EVA1C: variants seen among roughly 807,000 people sequenced by gnomAD.
The protein encoded by EVA1C is protein eva-1 homolog C.
Under a neutral mutation model 45.4 loss-of-function variants are expected in EVA1C, and 25 were observed. That is an observed-to-expected ratio of 0.55 (90% CI 0.40 to 0.77). The LOEUF (loss-of-function observed/expected upper bound fraction) is 0.77, where lower values mean the gene tolerates loss of function less well. EVA1C is among the 30% of genes least tolerant of loss of function. The pLI is 0.00. For missense variants in EVA1C, 479 were observed against 554.8 expected (o/e 0.86, Z 1.37); for synonymous variants, 190 against 221.2 (o/e 0.86, Z 1.25).
At chr21:32,413,053 G>C (rs752007776) in intron 1 of EVA1C, 40 bp downstream of exon 1, 1 of 1,330,010 alleles carries the variant, frequency 7.5e-7, no homozygotes, top group Non-Finnish European at 9.7e-7. Flanking sequence ...CCGGCACCGC[G>C]GAGCGCCCAG....
At chr21:32,419,619 G>A (rs563520718) in intron 1 of EVA1C, among the ~76,000 whole-genome samples, 254 of 152,332 alleles carry the variant, frequency 1.7e-3, no homozygotes, top group Non-Finnish European at 2.7e-3. Flanking sequence ...GGAGACTGAG[G>A]CAGGAGAATC....
chr21:32,496,049 A>G (rs186204185), intron 5 of EVA1C, among the ~76,000 whole-genome samples: 20 of 152,336 alleles, frequency 1.3e-4, no homozygotes, highest in African/African-American at 7.2e-5. Flanking sequence ...GGTTTTTAGT[A>G]TATGCACAGA....
At chr21:32,486,058 G>A (rs1390479231) in intron 4 of EVA1C, among the ~76,000 whole-genome samples, 1 of 152,234 alleles carries the variant, frequency 6.6e-6, no homozygotes, top group African/African-American at 2.4e-5. Flanking sequence ...AGCATTGTTT[G>A]AACCAATCGC....
rs867013894 is a variant in EVA1C at position 32,484,560 on chromosome 21, T to A, written c.635-10467T>A. Among the ~76,000 whole-genome samples, 1,301 of 148,190 alleles carry A rather than the reference T, an allele frequency of 8.8e-3. 22 individuals are homozygous for A. The highest frequency in any genetic ancestry group is 0.03 in the African/African-American group (1,211 of 40,778). On this transcript the variant is annotated intron_variant, in intron 4 of 7. Transcript: ENST00000300255. ...CTCCATCTCAAAAAAAAAAAAAAAATTTATTGGGGCGGACACTGTGCTAAC... is the reference window on the plus strand; with the variant it reads ...CTCCATCTCAAAAAAAAAAAAAAAAATTATTGGGGCGGACACTGTGCTAAC...
intron 1 of EVA1C, among the ~76,000 whole-genome samples, chr21:32,447,402 C>T (rs143912941): frequency 4.6e-5 from 7 of 152,080 alleles, no homozygotes; most frequent in South Asian, 2.1e-4. Flanking sequence ...CTAATACATA[C>T]GATCTAAGGG....
chr21:32,442,280 C>T (rs1297244901), intron 1 of EVA1C, among the ~76,000 whole-genome samples: 1 of 152,162 alleles, frequency 6.6e-6, no homozygotes, highest in Non-Finnish European at 1.5e-5. Flanking sequence ...ATCTAAGAAA[C>T]AGGCTGGTGG....
Position 32,474,139 on chromosome 21 carries a change from C to T in EVA1C, c.634+6291C>T, listed in dbSNP as rs2036475477. On this transcript the variant is annotated intron_variant, in intron 4 of 7. Transcript: ENST00000300255. The surrounding 1 kb of genome is among the most constrained non-coding windows in gnomAD (Gnocchi z 4.4). ...ATTTTGCCCAGGCTGGTCTTCAACT[C>T]CTGGCCTCAAGTGATCCTCCCGCCT... 1 of 175,832 alleles carries T rather than the reference C, an allele frequency of 5.7e-6. No homozygotes were observed. Among genetic ancestry groups the T allele is most frequent in the Non-Finnish European group, 1.1e-5 (1 of 89,800 alleles). The allele number at this position is 175,832 out of a possible 1,614,324, so 10.9% of individuals were successfully genotyped here.
At chr21:32,498,433 C>A in intron 5 of EVA1C, among the ~76,000 whole-genome samples, 1 of 135,784 alleles carries the variant, frequency 7.4e-6, no homozygotes, top group African/African-American at 2.8e-5. Flanking sequence ...GGGTGAAACT[C>A]TGTCTCAAAA....
intron 4 of EVA1C, among the ~76,000 whole-genome samples, chr21:32,475,905 ATCTATCTATC>A (rs1461777058): frequency 9.3e-5 from 14 of 149,820 alleles, no homozygotes; most frequent in Admixed American, 8.1e-4. Flanking sequence ...CTATCTATCT[ATCTATCTATC>A]TATCTATCTA....
At chr21:32,435,574 G>C (rs1262214054) in intron 1 of EVA1C, among the ~76,000 whole-genome samples, 1 of 152,100 alleles carries the variant, frequency 6.6e-6, no homozygotes, top group Admixed American at 6.6e-5. Context: ...CCCAGCCAAC[G>C]GTACCACTGG....
rs755455328 is a variant in EVA1C, at chr21:32,499,512, G to A, written c.779-1903G>A. On this transcript the variant is annotated intron_variant, in intron 5 of 7. Transcript: ENST00000300255. ...ATGAAGGCGCCAGGGCCTCCTGTACGTGGAAAACTCACAATCTAGGAATGT... is the reference window on the plus strand; with the variant it reads ...ATGAAGGCGCCAGGGCCTCCTGTACATGGAAAACTCACAATCTAGGAATGT... Among the ~76,000 whole-genome samples, 5 of 152,268 alleles carry A rather than the reference G, an allele frequency of 3.3e-5. No homozygotes were observed. The East Asian group carries it at 5.8e-4, about 18-fold the overall frequency.
At chr21:32,467,940 G>T in intron 4 of EVA1C, 92 bp downstream of exon 4, 1 of 844,392 alleles carries the variant, frequency 1.2e-6, no homozygotes. Context: ...TATCCTATAT[G>T]ATTGTGAAAG....
intron 5 of EVA1C, 152 bp downstream of exon 5, chr21:32,495,322 T>C (rs1402924931): frequency 1.0e-5 from 7 of 696,864 alleles, no homozygotes; most frequent in South Asian, 2.4e-5. Context: ...GAGCCCTTTT[T>C]TTCTTTCTTA....
At position 32,452,651 on chromosome 21, in the gene EVA1C, G is replaced by T. The variant is rs542125478; in HGVS notation, c.161-661G>T. ...TAGTGTACTCGGAAAATCAGATTTCGCATGGACTTGGAGAAGGAGTGCAAG... is the reference window on the plus strand; with the variant it reads ...TAGTGTACTCGGAAAATCAGATTTCTCATGGACTTGGAGAAGGAGTGCAAG... On this transcript the variant is annotated intron_variant, in intron 1 of 7. Transcript: ENST00000300255. This position sits in a 1 kb window ranked among gnomAD's most constrained non-coding sequence, Gnocchi z 4.0. The T allele has an allele frequency of 6.6e-6, 1 of 152,204 alleles. No individual in the cohort carries two copies. Among genetic ancestry groups the T allele is most frequent in the East Asian group, 1.9e-4 (1 of 5,174 alleles). 9.4% of individuals were successfully genotyped at this position (152,204 alleles called of 1,614,324 possible). A position where few individuals can be genotyped will look rare whatever the true frequency, so the allele number is the denominator to read the frequency against.
chr21:32,460,326 CCAAAAAACAACAA>C (rs1465061408), intron 3 of EVA1C, among the ~76,000 whole-genome samples: 3 of 152,180 alleles, frequency 2.0e-5, no homozygotes, highest in Non-Finnish European at 4.4e-5. Context: ...CTTTCTCTGT[CCAAAAAACAACAA>C]CAAAAAACAT....
chr21:32,420,288 T>C (rs1382946946), intron 1 of EVA1C, among the ~76,000 whole-genome samples: 1 of 152,204 alleles, frequency 6.6e-6, no homozygotes, highest in African/African-American at 2.4e-5. Context: ...GAGAATTGCT[T>C]GAGCCTGGGA....
chr21:32,453,867 G>C (rs2035681313), intron 2 of EVA1C, among the ~76,000 whole-genome samples: 1 of 152,208 alleles, frequency 6.6e-6, no homozygotes, highest in Admixed American at 6.5e-5. Flanking sequence ...AGGGAAGGTA[G>C]GTTCTTTAAT....
chr21:32,458,253 C>T (rs1243135060), intron 3 of EVA1C, among the ~76,000 whole-genome samples: 1 of 152,148 alleles, frequency 6.6e-6, no homozygotes. Flanking sequence ...GGAGCCATCT[C>T]TTTTATTCTG....
chr21:32,416,615 C>T (rs530634526), intron 1 of EVA1C, among the ~76,000 whole-genome samples: 106 of 152,272 alleles, frequency 7.0e-4, no homozygotes, highest in Non-Finnish European at 1.2e-3. Flanking sequence ...AGGCATGAGC[C>T]ACCGCACCCA....
Sources: allele counts gnomAD v4.1 joint callset (sites outside exome capture counted in the v4.1 genomes callset), GRCh38; gene constraint gnomAD v4.1.1; non-coding constraint Gnocchi (gnomAD v3.1); transcripts MANE v1.5; gene names NCBI Gene and HGNC (gene_info 2026-07-23, HGNC 2026-07-21).